The following ATP2B2 variants were observed in gnomAD, a reference collection of about 807,000 sequenced individuals.
ATP2B2 encodes the protein ATPase plasma membrane Ca2+ transporting 2.
In ATP2B2, 15 loss-of-function variants were observed where a neutral mutation model predicts 120.0. The observed-to-expected ratio is 0.12, with a 90% confidence interval of 0.08 to 0.19. ATP2B2 has a LOEUF of 0.19. Among genes scored for constraint, ATP2B2 ranks in the 10% least tolerant of loss-of-function variants. ATP2B2 has a pLI of 1.00. For synonymous variants in ATP2B2, 694 were observed against 700.3 expected (o/e 0.99, Z 0.14); for missense variants, 1,045 against 1,719.8 (o/e 0.61, Z 6.94).
intron 1 of ATP2B2, among the ~76,000 whole-genome samples, chr3:10,464,886 G>A (rs531026845): frequency 6.6e-6 from 1 of 152,340 alleles, no homozygotes; most frequent in Non-Finnish European, 1.5e-5. Context: ...CATGGAGCAG[G>A]TGCTGGCAGA....
upstream of ATP2B2, among the ~76,000 whole-genome samples, chr3:10,508,296 C>T (rs10212217): frequency 0.14 from 20,585 of 152,178 alleles, 4,319 homozygotes; most frequent in African/African-American, 0.45. Flanking sequence ...TCTTCGAAGT[C>T]CAACTCAAAT....
chr3:10,346,011 C>T lies in ATP2B2; in HGVS notation c.2511+20G>A. The T allele has an allele frequency of 1.2e-6, 2 of 1,604,514 alleles. No homozygotes were observed. The highest frequency in any genetic ancestry group is 2.2e-5 in the South Asian group (2 of 90,038). ...CTCCCCAGCCCCCACCACCCCAGGC[C>T]CTCTGTGGGCCGTTCCTACCATGGC... On this transcript the variant is annotated intron_variant, in intron 17 of 22. Coordinates refer to ENST00000360273, the MANE Select transcript of ATP2B2 (RefSeq NM_001001331.4). This position sits in a 1 kb window ranked among gnomAD's most constrained non-coding sequence, Gnocchi z 4.1.
At position 10,661,974 on chromosome 3, in the gene ATP2B2, AACCTG is replaced by A. The variant is rs555813720; in HGVS notation, c.-459-42018_-459-42014del. Among the ~76,000 whole-genome samples, 32 of 152,340 alleles carry A rather than the reference AACCTG, an allele frequency of 2.1e-4. No homozygotes were observed. The East Asian group carries it at 6.2e-3, about 29-fold the overall frequency. On this transcript the variant is annotated intron_variant, in intron 1 of 21. Coordinates refer to the ATP2B2 transcript ENST00000646379. Reference sequence around the variant, plus strand: ...ATCTACAACCATCTGATCTTTGACAAACCTGACAAAAACAAGAAATGGGAAAAGGA... The same window carrying A: ...ATCTACAACCATCTGATCTTTGACAAACAAAAACAAGAAATGGGAAAAGGA...
chr3:10,373,633 T>C (rs760199662), intron 11 of ATP2B2, among the ~76,000 whole-genome samples: 1 of 152,238 alleles, frequency 6.6e-6, no homozygotes, highest in Non-Finnish European at 1.5e-5. Context: ...GATAATAGTG[T>C]TGGATTTGAC....
upstream of ATP2B2, among the ~76,000 whole-genome samples, chr3:10,510,256 C>T (rs1032657225): frequency 7.2e-5 from 11 of 152,274 alleles, no homozygotes; most frequent in Non-Finnish European, 1.3e-4. Flanking sequence ...TGACATCCTA[C>T]TATGTGCCAG....
intron 1 of ATP2B2, among the ~76,000 whole-genome samples, chr3:10,668,550 C>G (rs1256830169): frequency 6.6e-6 from 1 of 152,142 alleles, no homozygotes; most frequent in African/African-American, 2.4e-5. Context: ...GTTCCCATCC[C>G]ACAAGATTCT....
chr3:10,614,215 T>C (rs2069319774), intron 2 of ATP2B2, among the ~76,000 whole-genome samples: 2 of 152,164 alleles, frequency 1.3e-5, no homozygotes, highest in Admixed American at 1.3e-4. Flanking sequence ...ACGTCTACTT[T>C]GTTCACTGCC....
In ATP2B2 at chr3:10,375,681, G is replaced by T. The variant is rs759259289; in HGVS notation, c.1202-37C>A. On this transcript the variant is annotated intron_variant, in intron 10 of 22. Transcript: ENST00000360273. The surrounding 1 kb of genome is among the most constrained non-coding windows in gnomAD (Gnocchi z 4.2). ...GGGACACATGCTTGGGGGGTTCCAG[G>T]AAGTGGAGGCTGGGGGTGGTGTGGA... 3.8e-6 allele frequency: 6 copies of T among 1,593,172 alleles called. No homozygotes were observed. Among genetic ancestry groups the T allele is most frequent in the Admixed American group, 1.7e-5 (1 of 59,382 alleles).
At chr3:10,581,198 A>G (rs1341081902) in intron 2 of ATP2B2, among the ~76,000 whole-genome samples, 3 of 152,232 alleles carry the variant, frequency 2.0e-5, no homozygotes, top group Non-Finnish European at 4.4e-5. Context: ...TCTGCAACAG[A>G]TTCTATTGCA....
At chr3:10,589,324 A>C (rs1323403209) in intron 2 of ATP2B2, among the ~76,000 whole-genome samples, 1 of 152,134 alleles carries the variant, frequency 6.6e-6, no homozygotes, top group Non-Finnish European at 1.5e-5. Flanking sequence ...TCATTAGTAA[A>C]CTTTTGTTGA....
At chr3:10,483,533 G>A (rs1014688302) in intron 1 of ATP2B2, among the ~76,000 whole-genome samples, 1 of 152,194 alleles carries the variant, frequency 6.6e-6, no homozygotes, top group Non-Finnish European at 1.5e-5. Context: ...GGGGCAGCCT[G>A]GATTTCCAAA....
At chr3:10,601,617 T>G (rs978628780) in intron 2 of ATP2B2, among the ~76,000 whole-genome samples, 1 of 152,216 alleles carries the variant, frequency 6.6e-6, no homozygotes, top group Non-Finnish European at 1.5e-5. Flanking sequence ...ATTTAGTACA[T>G]ATCTGGCTCC....
chr3:10,571,621 T>C (rs1342506113), intron 2 of ATP2B2, among the ~76,000 whole-genome samples: 2 of 152,196 alleles, frequency 1.3e-5, no homozygotes, highest in Non-Finnish European at 2.9e-5. Flanking sequence ...GCTCAGCTCC[T>C]AGTAGCACTG....
chr3:10,438,017 C>T (rs545900755), intron 2 of ATP2B2, among the ~76,000 whole-genome samples: 2 of 152,010 alleles, frequency 1.3e-5, no homozygotes, highest in South Asian at 2.1e-4. Flanking sequence ...CTTTGGATGG[C>T]GTGGCTGAGC....
At chr3:10,465,021 G>A (rs1575310795) in intron 1 of ATP2B2, among the ~76,000 whole-genome samples, 1 of 152,246 alleles carries the variant, frequency 6.6e-6, no homozygotes, top group African/African-American at 2.4e-5. Context: ...TTTTCCCTGA[G>A]TGCCAGGCCC....
intron 8 of ATP2B2, among the ~76,000 whole-genome samples, chr3:10,383,552 A>G (rs1054644108): frequency 2.0e-5 from 3 of 152,224 alleles, no homozygotes; most frequent in Non-Finnish European, 2.9e-5. Context: ...CAGGAGGAGA[A>G]GCACACACTT....
intron 2 of ATP2B2, among the ~76,000 whole-genome samples, chr3:10,595,878 C>T (rs772474525): frequency 6.6e-6 from 1 of 152,170 alleles, no homozygotes; most frequent in Non-Finnish European, 1.5e-5. Flanking sequence ...AGCAATCTGA[C>T]CTCGTCTCTT....
chr3:10,482,052 A>G (rs2065434534), intron 1 of ATP2B2, among the ~76,000 whole-genome samples: 1 of 144,720 alleles, frequency 6.9e-6, no homozygotes. Context: ...GTCCCAGACA[A>G]ACCTGGACAC....
intron 2 of ATP2B2, among the ~76,000 whole-genome samples, chr3:10,617,490 G>A (rs183691037): frequency 6.6e-6 from 1 of 152,356 alleles, no homozygotes; most frequent in East Asian, 1.9e-4. Flanking sequence ...GGAACGAAAG[G>A]AGGTGGCCTC....
Sources: gnomAD v4.1 joint callset for allele counts (sites outside exome capture counted in the v4.1 genomes callset) on GRCh38, gnomAD v4.1.1 for gene constraint, Gnocchi (gnomAD v3.1) non-coding constraint, MANE v1.5 for transcripts, NCBI Gene and HGNC (gene_info 2026-07-23, HGNC 2026-07-21) for gene names.